The following TEX9 variants were observed in gnomAD, a reference collection of about 807,000 sequenced individuals.
The protein encoded by TEX9 is testis expressed 9.
In TEX9, 74 loss-of-function variants were observed where a neutral mutation model predicts 59.6. The ratio of observed to expected loss-of-function variants is 1.24; its 90% CI spans 1.03 to 1.51. The LOEUF is 1.51. TEX9 is among the 40% of genes most tolerant of loss of function. The probability of loss-of-function intolerance (pLI) is 0.00; values close to 1 mark genes in which losing one functional copy is unlikely to be tolerated. For synonymous variants in TEX9, 186 were observed against 152.2 expected (o/e 1.22, Z -1.64); for missense variants, 522 against 447.8 (o/e 1.17, Z -1.49).
At chr15:56,443,865 A>G (rs2050862449) in intron 12 of TEX9, 3 of 1,575,728 alleles carry the variant, frequency 1.9e-6, no homozygotes, top group East Asian at 2.2e-5. Flanking sequence ...CTGAAAAGCA[A>G]TAACAAGTAC....
chr15:56,408,878 C>G (rs2049207722), intron 9 of TEX9: 1 of 152,288 alleles, frequency 6.6e-6, no homozygotes, highest in South Asian at 2.1e-4. Flanking sequence ...TTGGCAGTAC[C>G]ACAGTGGCCA....
At position 56,405,177 on chromosome 15, in the gene TEX9, G is replaced by C. The variant is rs142926773; in HGVS notation, c.829-7125G>C. On this transcript the variant is annotated intron_variant, in intron 9 of 12. Transcript: ENST00000352903. ...AAAAAAGCCGGGCGTGGTGGTGGGCGCCTGTAGTCTCAGCTACTTGGGAGG... is the reference window on the plus strand; with the variant it reads ...AAAAAAGCCGGGCGTGGTGGTGGGCCCCTGTAGTCTCAGCTACTTGGGAGG... Among the ~76,000 whole-genome samples the C allele has an allele frequency of 2.7e-3, 414 of 152,132 alleles. 4 individuals are homozygous for C. The highest frequency in any genetic ancestry group is 9.5e-3 in the African/African-American group (394 of 41,500).
At chr15:56,443,812 C>G in intron 12 of TEX9, 1 of 1,608,604 alleles carries the variant, frequency 6.2e-7, no homozygotes, top group Non-Finnish European at 8.5e-7. Context: ...CTTCTATATA[C>G]CTTCGCATTG....
chr15:56,332,954 A>G (rs1444011465), intron 1 of TEX9, among the ~76,000 whole-genome samples: 2 of 152,156 alleles, frequency 1.3e-5, no homozygotes, highest in East Asian at 1.9e-4. Context: ...CATAAAACCT[A>G]CCAAAATTGA....
At chr15:56,386,512 A>G (rs1433395647) in intron 4 of TEX9, among the ~76,000 whole-genome samples, 1 of 151,902 alleles carries the variant, frequency 6.6e-6, no homozygotes, top group Non-Finnish European at 1.5e-5. Context: ...GAGTAAACAG[A>G]CCTGATCTTG....
chr15:56,288,271 A>G (rs1007454319), intron 1 of TEX9, among the ~76,000 whole-genome samples: 3 of 148,164 alleles, frequency 2.0e-5, no homozygotes, highest in African/African-American at 5.0e-5. Context: ...TTCTTTGGTG[A>G]TTTTTTTTTT....
At chr15:56,283,049 G>GGTGT (rs3985761) in intron 1 of TEX9, among the ~76,000 whole-genome samples, 42,709 of 148,362 alleles carry the variant, frequency 0.29, 6,677 homozygotes, top group Non-Finnish European at 0.36. Flanking sequence ...TACATTGTGT[G>GGTGT]GTGTGTGTGT....
At chr15:56,317,747 C>T (rs143365591) in intron 1 of TEX9, among the ~76,000 whole-genome samples, 24 of 152,202 alleles carry the variant, frequency 1.6e-4, no homozygotes, top group African/African-American at 5.8e-4. Flanking sequence ...CCTAATTTCC[C>T]TTGTGATTTC....
intron 10 of TEX9, among the ~76,000 whole-genome samples, chr15:56,419,229 C>A (rs2049851820): frequency 6.6e-6 from 1 of 151,758 alleles, no homozygotes; most frequent in African/African-American, 2.4e-5. Flanking sequence ...TTTATGTTTG[C>A]ATATTGAGTC....
In TEX9 at chr15:56,365,644, C is replaced by T. The variant is rs745426918; in HGVS notation, c.93C>T (p.Asp31=). The T allele has an allele frequency of 3.1e-6, 5 of 1,614,222 alleles. No homozygotes were observed. The South Asian group carries it at 4.4e-5, about 14-fold the overall frequency. ...AGCAACCCTCTACACCTGGACCCGA[C>T]CTCCTCGCCTTGGAGGAAGAATATA... The change falls in exon 2 of 13, where the codon GAC becomes GAT. Residue 31 remains aspartate, a synonymous_variant. Coordinates refer to ENST00000352903, the Ensembl canonical transcript of TEX9.
intron 3 of TEX9, among the ~76,000 whole-genome samples, chr15:56,378,846 ACT>A: frequency 6.6e-6 from 1 of 152,054 alleles, no homozygotes; most frequent in Non-Finnish European, 1.5e-5. Flanking sequence ...CACGTGACTC[ACT>A]TGAACCCAGA....
upstream of TEX9, chr15:56,365,315 C>G (rs977248079): frequency 1.6e-6 from 2 of 1,237,200 alleles, no homozygotes; most frequent in African/African-American, 1.5e-5. Flanking sequence ...AGCCCGCTGC[C>G]AGAGGCTCGC....
rs935199221 is a variant in TEX9 at position 56,388,952 on chromosome 15, T to C, written c.313-366T>C. 2.6e-5 allele frequency among the ~76,000 whole-genome samples: 4 copies of C among 152,024 alleles called. 1 individual carries two copies. Among genetic ancestry groups the C allele is most frequent in the Admixed American group, 2.6e-4 (4 of 15,226 alleles). On this transcript the variant is annotated intron_variant, in intron 5 of 12. Coordinates refer to ENST00000352903, the Ensembl canonical transcript of TEX9. ...TCTATGTTTCCCATCCATGGAGACC[T>C]AAGCCAAGGGAACTGTATACCTGAA...
At chr15:56,443,935 C>T in intron 12 of TEX9, 1 of 1,063,654 alleles carries the variant, frequency 9.4e-7, no homozygotes, top group African/African-American at 1.6e-5. Context: ...TAATAATGTA[C>T]AGAAAAACAC....
intron 1 of TEX9, among the ~76,000 whole-genome samples, chr15:56,357,027 A>G (rs1197055598): frequency 6.6e-6 from 1 of 152,150 alleles, no homozygotes; most frequent in Admixed American, 6.5e-5. Flanking sequence ...AATACTGTCA[A>G]TAAAGGAGTC....
chr15:56,361,495 G>A (rs1048715788), upstream of TEX9, among the ~76,000 whole-genome samples: 3 of 152,022 alleles, frequency 2.0e-5, no homozygotes, highest in African/African-American at 7.2e-5. Flanking sequence ...CAAATATTTT[G>A]TGGGTGTCCA....
intron 12 of TEX9, chr15:56,434,175 A>C: frequency 6.2e-7 from 1 of 1,613,570 alleles, no homozygotes; most frequent in Non-Finnish European, 8.5e-7. Flanking sequence ...CTCTTCAATA[A>C]GTTTTTCCAC....
In TEX9 at chr15:56,417,292, G is replaced by A. The variant is rs554503909; in HGVS notation, c.963+4856G>A. Among the ~76,000 whole-genome samples the A allele has an allele frequency of 2.5e-4, 38 of 151,878 alleles. 1 individual carries two copies. The highest frequency in any genetic ancestry group is 8.7e-4 in the African/African-American group (36 of 41,244). ...TGAATTCTTTCAGTTGTGAAGTTACGTTGTTAATTTGAGATCTTTATAACT... is the reference window on the plus strand; with the variant it reads ...TGAATTCTTTCAGTTGTGAAGTTACATTGTTAATTTGAGATCTTTATAACT... On this transcript the variant is annotated intron_variant, in intron 10 of 12. Transcript: ENST00000352903.
At chr15:56,368,926 A>G (rs1783707293) in intron 2 of TEX9, among the ~76,000 whole-genome samples, 1 of 152,036 alleles carries the variant, frequency 6.6e-6, no homozygotes, top group African/African-American at 2.4e-5. Context: ...AAGACAAATG[A>G]TCTCTTCTAA....
Sources: allele counts gnomAD v4.1 joint callset (sites outside exome capture counted in the v4.1 genomes callset), GRCh38; gene constraint gnomAD v4.1.1; transcripts MANE v1.5; gene names NCBI Gene and HGNC (gene_info 2026-07-23, HGNC 2026-07-21).